Variants in CACNA1C observed in about 807,000 individuals in gnomAD.
CACNA1C encodes voltage-dependent L-type calcium channel subunit alpha-1C.
CACNA1C carries 30 observed loss-of-function variants against 229.0 expected under a neutral mutation model. The observed-to-expected ratio is 0.13, with a 90% CI of 0.10 to 0.18. CACNA1C has a LOEUF of 0.18. Among genes scored for constraint, CACNA1C ranks in the 10% least tolerant of loss-of-function variants. The pLI, the probability that CACNA1C is intolerant of heterozygous loss-of-function variation, is 1.00. For synonymous variants in CACNA1C, 1,114 were observed against 1,132.5 expected, an observed-to-expected ratio of 0.98 and a Z score of 0.33; for missense variants, 1,658 against 2,845.0, an observed-to-expected ratio of 0.58 and a Z score of 9.49.
Position 2,677,884 on chromosome 12 carries a change from C to T in CACNA1C, c.5091+17C>T, listed in dbSNP as rs375537358. ...ATCTTCAGGGTGGGTGGTGCCATGG[C>T]GCACTCTCGACCCCTATAAAGTTCA... On this transcript the variant is annotated intron_variant, in intron 41 of 46. Transcript: ENST00000399655. This position sits in a 1 kb window ranked among gnomAD's most constrained non-coding sequence, Gnocchi z 7.4. 801 of 1,613,594 alleles carry T rather than the reference C, an allele frequency of 5.0e-4. 3 individuals carry two copies. The highest frequency in any genetic ancestry group is 4.8e-4 in the African/African-American group (36 of 75,046).
chr12:2,214,251 T>C (rs1599357068), intron 3 of CACNA1C, among the ~76,000 whole-genome samples: 1 of 151,990 alleles, frequency 6.6e-6, no homozygotes, highest in African/African-American at 2.4e-5. Context: ...TGAGGAGGGG[T>C]TCATGTGAAG....
chr12:2,222,631 G>A (rs143626026), intron 3 of CACNA1C, among the ~76,000 whole-genome samples: 49 of 152,242 alleles, frequency 3.2e-4, no homozygotes, highest in African/African-American at 7.9e-4. Context: ...GTACCCTGTC[G>A]TGCCCTTTAG....
At position 2,585,498 on chromosome 12, in the gene CACNA1C, TGAG is replaced by T. The variant is rs1251338342; in HGVS notation, c.2460+6_2460+8del. The T allele has an allele frequency of 6.4e-7, 1 of 1,553,952 alleles. No homozygotes were observed. The highest frequency in any genetic ancestry group is 8.7e-7 in the Non-Finnish European group (1 of 1,148,022). On this transcript the variant is annotated splice_donor_5th_base_variant and intron_variant, in intron 17 of 46. Coordinates refer to ENST00000399655, the MANE Select transcript of CACNA1C (RefSeq NM_000719.7). This position sits in a 1 kb window ranked among gnomAD's most constrained non-coding sequence, Gnocchi z 4.1. ...GGAGAGTCTCCACCCGCCACCAAGG[TGAG>T]GAGCTGTCTCCTTCCTGGAGCTGTG...
intron 3 of CACNA1C, among the ~76,000 whole-genome samples, chr12:2,220,074 G>A (rs367776076): frequency 2.2e-4 from 33 of 152,188 alleles, no homozygotes; most frequent in Non-Finnish European, 3.8e-4. Flanking sequence ...AGCACAAGAC[G>A]GTGGAAGTGG....
At chr12:2,627,705 G>A (rs216020) in intron 29 of CACNA1C, among the ~76,000 whole-genome samples, 1 of 151,980 alleles carries the variant, frequency 6.6e-6, no homozygotes, top group Non-Finnish European at 1.5e-5. Context: ...CCACCCCACC[G>A]TGGCAGCCTC....
chr12:2,609,049 A>T (rs145956026), intron 27 of CACNA1C, among the ~76,000 whole-genome samples: 1 of 152,288 alleles, frequency 6.6e-6, no homozygotes, highest in East Asian at 1.9e-4. Flanking sequence ...CATGATACGG[A>T]GGAGAGAAAC....
At chr12:2,490,864 A>G (rs2099722889) in intron 6 of CACNA1C, among the ~76,000 whole-genome samples, 1 of 152,222 alleles carries the variant, frequency 6.6e-6, no homozygotes, top group African/African-American at 2.4e-5. Context: ...CAGTTCAGGG[A>G]CCAGCAGTGC....
intron 3 of CACNA1C, among the ~76,000 whole-genome samples, chr12:2,380,355 A>G (rs1422378773): frequency 2.0e-5 from 3 of 152,208 alleles, no homozygotes; most frequent in African/African-American, 2.4e-5. Context: ...TTACAGGCAC[A>G]ATCTTGCAAT....
At chr12:2,217,754 G>A (rs1379661168) in intron 3 of CACNA1C, 4 of 152,126 alleles carry the variant, frequency 2.6e-5, no homozygotes, top group Non-Finnish European at 5.9e-5. Context: ...TTCAGCTTTG[G>A]AATCAGACAC....
intron 3 of CACNA1C, among the ~76,000 whole-genome samples, chr12:2,289,271 G>A (rs1055827717): frequency 6.6e-6 from 1 of 152,178 alleles, no homozygotes; most frequent in African/African-American, 2.4e-5. Flanking sequence ...GCAGCAAATT[G>A]TGTGTCTTTG....
At chr12:2,127,139 G>C (rs1252048044) in intron 3 of CACNA1C, among the ~76,000 whole-genome samples, 1 of 152,164 alleles carries the variant, frequency 6.6e-6, no homozygotes, top group African/African-American at 2.4e-5. Context: ...TGAGCTTTGT[G>C]TGTCTCTTGC....
chr12:2,200,527 A>T (rs190454481), intron 3 of CACNA1C, among the ~76,000 whole-genome samples: 1 of 152,190 alleles, frequency 6.6e-6, no homozygotes, highest in Non-Finnish European at 1.5e-5. Flanking sequence ...CAAAATGTCA[A>T]TAGTGTCAAT....
rs1305161376 is a variant in CACNA1C at position 2,346,340 on chromosome 12, G to A, written c.478-102636G>A. Among the ~76,000 whole-genome samples, 16 of 152,086 alleles carry A rather than the reference G, an allele frequency of 1.1e-4. No individual in the cohort carries two copies. The highest frequency in any genetic ancestry group is 7.9e-4 in the Admixed American group (12 of 15,274). On this transcript the variant is annotated intron_variant, in intron 3 of 46. Coordinates refer to ENST00000399655, the MANE Select transcript of CACNA1C (RefSeq NM_000719.7). This position sits in a 1 kb window ranked among gnomAD's most constrained non-coding sequence, Gnocchi z 4.4. ...CTGTGTGTCTTTGTAATGTGTGTGT[G>A]TGCCTATGTATGTCTCTGTGTTTGT...
chr12:2,128,657 C>T lies in CACNA1C; in HGVS notation c.477+8227C>T, dbSNP rs1419909512. On this transcript the variant is annotated intron_variant, in intron 3 of 46. Transcript: ENST00000399655. ...CGATCTCCTGACCTCGTGATCTGCC[C>T]GCCTCGGCCTCCCAAAATGCTGGGA... is the stretch of plus-strand genomic sequence containing the variant. Among the ~76,000 whole-genome samples, 6 of 152,116 alleles carry T rather than the reference C, an allele frequency of 3.9e-5. No individual in the cohort carries two copies. The East Asian group carries it at 5.8e-4, about 15-fold the overall frequency.
intron 2 of CACNA1C, among the ~76,000 whole-genome samples, chr12:2,118,999 C>T (rs1381907804): frequency 1.3e-5 from 2 of 152,190 alleles, no homozygotes; most frequent in African/African-American, 4.8e-5. Context: ...CGGGTTCCTC[C>T]CAGTTCAGAA....
At chr12:2,407,934 A>G (rs1456904572) in intron 3 of CACNA1C, among the ~76,000 whole-genome samples, 1 of 152,240 alleles carries the variant, frequency 6.6e-6, no homozygotes, top group Non-Finnish European at 1.5e-5. Flanking sequence ...GCCAAACACC[A>G]CAAGAAACAC....
chr12:1,989,022 A>G (rs1342049964), intron 1 of CACNA1C, among the ~76,000 whole-genome samples: 1 of 152,230 alleles, frequency 6.6e-6, no homozygotes, highest in Non-Finnish European at 1.5e-5. Flanking sequence ...CAGCATCTAA[A>G]AAGAATTTCA....
chr12:2,430,078 A>G (rs2099068089), intron 3 of CACNA1C, among the ~76,000 whole-genome samples: 1 of 152,134 alleles, frequency 6.6e-6, no homozygotes, highest in African/African-American at 2.4e-5. Context: ...TCATTCGTGG[A>G]TGGCTGTATT....
In CACNA1C at chr12:2,488,174, A is replaced by G. The variant is rs940719803; in HGVS notation, c.916+1912A>G. Among the ~76,000 whole-genome samples, 1 of 152,198 alleles carries G rather than the reference A, an allele frequency of 6.6e-6. No individual in the cohort carries two copies. Among genetic ancestry groups the G allele is most frequent in the Non-Finnish European group, 1.5e-5 (1 of 68,036 alleles). On this transcript the variant is annotated intron_variant, in intron 6 of 46. Transcript: ENST00000399655. The surrounding 1 kb of genome is among the most constrained non-coding windows in gnomAD (Gnocchi z 4.0). ...CACAGAGTAAGGAGAGGGGCTCCAAAGCTGCAGGCAATTTCCATCATCCTA... is the reference window on the plus strand; with the variant it reads ...CACAGAGTAAGGAGAGGGGCTCCAAGGCTGCAGGCAATTTCCATCATCCTA...
Sources: gnomAD v4.1 joint callset for allele counts (sites outside exome capture counted in the v4.1 genomes callset) on GRCh38, gnomAD v4.1.1 for gene constraint, Gnocchi (gnomAD v3.1) non-coding constraint, MANE v1.5 for transcripts, NCBI Gene and HGNC (gene_info 2026-07-23, HGNC 2026-07-21) for gene names.